Variants in MAP2K5 observed in about 807,000 individuals in gnomAD.
MAP2K5 encodes dual specificity mitogen-activated protein kinase kinase 5.
In MAP2K5, 49 loss-of-function variants were observed where a neutral mutation model predicts 83.1. That is an observed-to-expected ratio of 0.59 (90% CI 0.47 to 0.75). MAP2K5 has a LOEUF of 0.75. MAP2K5 is among the 30% of genes least tolerant of loss of function. The probability of loss-of-function intolerance (pLI) is 0.00; values close to 1 mark genes in which losing one functional copy is unlikely to be tolerated. For missense variants in MAP2K5, 457 were observed against 557.5 expected, an observed-to-expected ratio of 0.82 and a Z score of 1.82; for synonymous variants, 202 against 191.8, an observed-to-expected ratio of 1.05 and a Z score of -0.44.
In MAP2K5 at chr15:67,778,504, T is replaced by A. The variant is rs750820614; in HGVS notation, c.1242+5752T>A. Among the ~76,000 whole-genome samples, 12 of 151,974 alleles carry A rather than the reference T, an allele frequency of 7.9e-5. No homozygotes were observed. Among genetic ancestry groups the A allele is most frequent in the Non-Finnish European group, 1.6e-4 (11 of 67,978 alleles). ...ATGATTTTATTTAGGGCTATTGCAG[T>A]AGGGAGAGTGTTTATTAATGAGGAA... On this transcript the variant is annotated intron_variant, in intron 21 of 21. Transcript: ENST00000178640. The surrounding 1 kb of genome is among the most constrained non-coding windows in gnomAD (Gnocchi z 5.0).
chr15:67,564,372 G>A (rs2084798350), intron 3 of MAP2K5, among the ~76,000 whole-genome samples: 1 of 152,176 alleles, frequency 6.6e-6, no homozygotes, highest in South Asian at 2.1e-4. Flanking sequence ...GATGGAATCA[G>A]GGCTCTTGCT....
Position 67,726,676 on chromosome 15 carries a change from A to G in MAP2K5, c.1045-1240A>G, listed in dbSNP as rs1048360141. Among the ~76,000 whole-genome samples the G allele has an allele frequency of 8.5e-5, 13 of 152,308 alleles. No homozygotes were observed. The South Asian group carries it at 1.2e-3, about 15-fold the overall frequency. On this transcript the variant is annotated intron_variant, in intron 16 of 21. Transcript: ENST00000178640. ...TCTTAGGGTCAGTTCCTAGGCTTCCACTTATTAACTGTTTGGGAGCTACTT... is the reference window on the plus strand; with the variant it reads ...TCTTAGGGTCAGTTCCTAGGCTTCCGCTTATTAACTGTTTGGGAGCTACTT...
chr15:67,636,551 T>G lies in MAP2K5; in HGVS notation c.585+5624T>G, dbSNP rs1394354949. ...TTGGGTTGTATTTTTCACTTTTTTT[T>G]CATATCTTATAATTTTTTTTAAGTG... On this transcript the variant is annotated intron_variant, in intron 9 of 21. Transcript: ENST00000178640. This position sits in a 1 kb window ranked among gnomAD's most constrained non-coding sequence, Gnocchi z 4.7. 6.6e-6 allele frequency among the ~76,000 whole-genome samples: 1 copy of G among 152,214 alleles called. No individual in the cohort carries two copies. The highest frequency in any genetic ancestry group is 1.5e-5 in the Non-Finnish European group (1 of 68,032).
chr15:67,624,501 T>C (rs1471516276), intron 8 of MAP2K5, among the ~76,000 whole-genome samples: 1 of 152,062 alleles, frequency 6.6e-6, no homozygotes, highest in Non-Finnish European at 1.5e-5. Context: ...TTTGGCCTGA[T>C]TGAAATAGGT....
intron 17 of MAP2K5, among the ~76,000 whole-genome samples, chr15:67,740,364 T>A (rs1257027250): frequency 6.6e-6 from 1 of 152,198 alleles, no homozygotes; most frequent in Non-Finnish European, 1.5e-5. Context: ...GCCCCTTTCT[T>A]TTCTTCCATG....
intron 3 of MAP2K5, among the ~76,000 whole-genome samples, chr15:67,570,077 A>T (rs891915912): frequency 2.0e-5 from 3 of 152,240 alleles, no homozygotes; most frequent in Non-Finnish European, 2.9e-5. Flanking sequence ...AGGATCCCAT[A>T]AATTTTGGGC....
chr15:67,654,251 GT>G (rs1489530300), intron 11 of MAP2K5, among the ~76,000 whole-genome samples: 4 of 152,038 alleles, frequency 2.6e-5, no homozygotes, highest in African/African-American at 9.7e-5. Flanking sequence ...TATCTTCTTG[GT>G]TGATTGATCC....
chr15:67,564,770 A>G (rs2084805448), intron 3 of MAP2K5, among the ~76,000 whole-genome samples: 1 of 152,190 alleles, frequency 6.6e-6, no homozygotes, highest in African/African-American at 2.4e-5. Context: ...TTATTTTTAG[A>G]AAACCCACAC....
At chr15:67,584,665 T>A (rs1239532016) in intron 4 of MAP2K5, among the ~76,000 whole-genome samples, 1 of 149,776 alleles carries the variant, frequency 6.7e-6, no homozygotes, top group Admixed American at 6.7e-5. Context: ...ATTACCCATA[T>A]CTTCTCCTTT....
At chr15:67,765,353 A>G (rs2090021692) in intron 19 of MAP2K5, among the ~76,000 whole-genome samples, 1 of 141,124 alleles carries the variant, frequency 7.1e-6, no homozygotes, top group Non-Finnish European at 1.5e-5. Context: ...GCGAGACTCC[A>G]TCTAATAAAA....
intron 14 of MAP2K5, 45 bp from the exon 15 acceptor site, chr15:67,693,473 C>T (rs1299816597): frequency 1.4e-6 from 2 of 1,461,650 alleles, no homozygotes; most frequent in African/African-American, 1.4e-5. Flanking sequence ...CATTTTATTT[C>T]CACATTATCT....
intron 11 of MAP2K5, among the ~76,000 whole-genome samples, chr15:67,650,375 G>A (rs2086923756): frequency 6.6e-6 from 1 of 152,148 alleles, no homozygotes; most frequent in Non-Finnish European, 1.5e-5. Flanking sequence ...AGACTGATGA[G>A]AGCAGACATC....
At position 67,690,759 on chromosome 15, in the gene MAP2K5, C is replaced by G. The variant is rs1246193019; in HGVS notation, c.848-1720C>G. ...ATGTTGGCCAGGCTGGTCTTGAACT[C>G]CTGACCCCCAGTGATCTGCCTGCCT... On this transcript the variant is annotated intron_variant, in intron 13 of 21. Coordinates refer to ENST00000178640, the MANE Select transcript of MAP2K5 (RefSeq NM_145160.3). The surrounding 1 kb of genome is among the most constrained non-coding windows in gnomAD (Gnocchi z 4.3). Among the ~76,000 whole-genome samples, 1 of 152,126 alleles carries G rather than the reference C, an allele frequency of 6.6e-6. No individual in the cohort carries two copies. The highest frequency in any genetic ancestry group is 1.5e-5 in the Non-Finnish European group (1 of 68,016).
At chr15:67,703,533 G>T (rs577930481) in intron 16 of MAP2K5, 125 bp downstream of exon 16, 1 of 716,074 alleles carries the variant, frequency 1.4e-6, no homozygotes, top group East Asian at 2.8e-5. Flanking sequence ...TGTATACAGA[G>T]TTTGACCATA....
rs755670284 is a variant in MAP2K5, at chr15:67,747,469, A to T, written c.1075-762A>T. ...CACTGAAGTGTTTAGTACTTTAATG[A>T]CTAAGTGGATGTTTTATTAATTTTT... On this transcript the variant is annotated intron_variant, in intron 17 of 21. Transcript: ENST00000178640. This position sits in a 1 kb window ranked among gnomAD's most constrained non-coding sequence, Gnocchi z 4.1. 9.8e-5 allele frequency among the ~76,000 whole-genome samples: 15 copies of T among 152,304 alleles called. No individual in the cohort carries two copies. The highest frequency in any genetic ancestry group is 1.8e-4 in the Non-Finnish European group (12 of 68,024).
In MAP2K5 at chr15:67,755,476, C is replaced by G. The variant is rs1297380045; in HGVS notation, c.1134+6875C>G. ...ATGTGGTTAACCTCCATCCTCTTCACTGAGCATCCGGCCTGGGCTGGCATC... is the reference window on the plus strand; with the variant it reads ...ATGTGGTTAACCTCCATCCTCTTCAGTGAGCATCCGGCCTGGGCTGGCATC... On this transcript the variant is annotated intron_variant, in intron 19 of 21. Transcript: ENST00000178640. This position sits in a 1 kb window ranked among gnomAD's most constrained non-coding sequence, Gnocchi z 4.7. 2.0e-5 allele frequency among the ~76,000 whole-genome samples: 3 copies of G among 152,150 alleles called. No homozygotes were observed. Among genetic ancestry groups the G allele is most frequent in the African/African-American group, 7.2e-5 (3 of 41,432 alleles).
Position 67,793,255 on chromosome 15 carries a change from C to T in MAP2K5, c.1243-13391C>T, listed in dbSNP as rs567680283. Among the ~76,000 whole-genome samples, 5 of 152,224 alleles carry T rather than the reference C, an allele frequency of 3.3e-5. No homozygotes were observed. Among genetic ancestry groups the T allele is most frequent in the Admixed American group, 2.6e-4 (4 of 15,296 alleles). ...TTGTGAATAGCCACTGTGCTCCAGT[C>T]AGGGCAACACTGTGAGACCTCATCT... On this transcript the variant is annotated intron_variant, in intron 21 of 21. Transcript: ENST00000178640. This position sits in a 1 kb window ranked among gnomAD's most constrained non-coding sequence, Gnocchi z 4.6.
intron 13 of MAP2K5, among the ~76,000 whole-genome samples, chr15:67,672,399 T>G (rs1211092730): frequency 6.6e-6 from 1 of 152,120 alleles, no homozygotes; most frequent in African/African-American, 2.4e-5. Context: ...TGATTTGCAT[T>G]TCTCTGATGG....
rs1946555299 is a variant in MAP2K5 at position 67,563,143 on chromosome 15, AAACT to A, written c.185-137_185-134del. On this transcript the variant is annotated intron_variant, in intron 2 of 21. Coordinates refer to ENST00000178640, the MANE Select transcript of MAP2K5 (RefSeq NM_145160.3). The surrounding 1 kb of genome is among the most constrained non-coding windows in gnomAD (Gnocchi z 4.5). ...TATTCCAAATGGAAAACAAAACAAC[AAACT>A]AATAATGTCAACATACCCCCAAAAT... 5.6e-6 allele frequency: 5 copies of A among 891,114 alleles called. No individual in the cohort carries two copies. In the African/African-American group the frequency reaches 8.5e-5, roughly 15 times the overall value. 55.2% of individuals were successfully genotyped at this position (891,114 alleles called of 1,614,324 possible). A position where few individuals can be genotyped will look rare whatever the true frequency, so the allele number is the denominator to read the frequency against.
Sources: gnomAD v4.1 joint callset for allele counts (sites outside exome capture counted in the v4.1 genomes callset) on GRCh38, gnomAD v4.1.1 for gene constraint, Gnocchi (gnomAD v3.1) non-coding constraint, MANE v1.5 for transcripts, NCBI Gene and HGNC (gene_info 2026-07-23, HGNC 2026-07-21) for gene names.